SLC35F4: variants seen among roughly 807,000 people sequenced by gnomAD.
The protein encoded by SLC35F4 is chromosome 14 open reading frame 36.
In SLC35F4, 24 loss-of-function variants were observed where a neutral mutation model predicts 44.2. The observed-to-expected ratio is 0.54, with a 90% confidence interval of 0.39 to 0.76. The LOEUF (loss-of-function observed/expected upper bound fraction) is 0.76, where lower values mean the gene tolerates loss of function less well. SLC35F4 is among the 30% of genes least tolerant of loss of function. The probability of loss-of-function intolerance (pLI) is 0.00; values close to 1 mark genes in which losing one functional copy is unlikely to be tolerated. For synonymous variants in SLC35F4, 238 were observed against 223.6 expected, an observed-to-expected ratio of 1.06 and a Z score of -0.57; for missense variants, 562 against 586.1, an observed-to-expected ratio of 0.96 and a Z score of 0.42.
intron 1 of SLC35F4, among the ~76,000 whole-genome samples, chr14:57,969,849 A>C (rs1301689693): frequency 1.3e-5 from 2 of 152,168 alleles, no homozygotes; most frequent in Non-Finnish European, 2.9e-5. Context: ...GTCACTGAGC[A>C]CGGATGTTCA....
intron 1 of SLC35F4, among the ~76,000 whole-genome samples, chr14:57,874,003 T>C (rs1697919477): frequency 6.6e-6 from 1 of 152,210 alleles, no homozygotes; most frequent in African/African-American, 2.4e-5. Flanking sequence ...AATCTCAAAG[T>C]AGCCCTAAAA....
intron 1 of SLC35F4, among the ~76,000 whole-genome samples, chr14:57,883,021 AGGAGGGGAGGGGAGAAGGAGGAGAAGG>A (rs1257511122): frequency 7.0e-6 from 1 of 142,006 alleles, no homozygotes. Context: ...GGAGGAGGAG[AGGAGGGGAGGGGAGAAGGAGGAGAAGG>A]GGAGGGGAGG....
At chr14:57,909,400 A>G (rs923159168) in intron 1 of SLC35F4, among the ~76,000 whole-genome samples, 1 of 152,232 alleles carries the variant, frequency 6.6e-6, no homozygotes, top group Non-Finnish European at 1.5e-5. Context: ...GAAATATGAT[A>G]CTAAACAGTT....
At chr14:57,894,882 T>C (rs1280330178) in intron 1 of SLC35F4, among the ~76,000 whole-genome samples, 1 of 152,134 alleles carries the variant, frequency 6.6e-6, no homozygotes, top group Admixed American at 6.6e-5. Flanking sequence ...TTACACAGCA[T>C]CATCAGCTAA....
intron 1 of SLC35F4, among the ~76,000 whole-genome samples, chr14:57,637,978 C>A (rs1182780759): frequency 6.6e-6 from 1 of 152,092 alleles, no homozygotes; most frequent in African/African-American, 2.4e-5. Context: ...TGATGGAATG[C>A]ACTCTTTGTG....
chr14:57,677,161 G>A (rs2074721698), intron 1 of SLC35F4, among the ~76,000 whole-genome samples: 1 of 152,034 alleles, frequency 6.6e-6, no homozygotes, highest in Admixed American at 6.6e-5. Flanking sequence ...CTCAGGAATG[G>A]AAAACCAAAT....
intron 1 of SLC35F4, among the ~76,000 whole-genome samples, chr14:57,932,422 A>T (rs1234967745): frequency 6.6e-6 from 1 of 152,224 alleles, no homozygotes; most frequent in Non-Finnish European, 1.5e-5. Context: ...ACGTCTTTTC[A>T]TATCCATGCA....
chr14:57,932,590 T>C (rs1029708147), intron 1 of SLC35F4, among the ~76,000 whole-genome samples: 3 of 152,182 alleles, frequency 2.0e-5, no homozygotes, highest in Admixed American at 6.5e-5. Flanking sequence ...GTCTCACACC[T>C]GTAATCCCAA....
intron 1 of SLC35F4, among the ~76,000 whole-genome samples, chr14:57,891,694 G>C (rs573421816): frequency 6.6e-6 from 1 of 152,144 alleles, no homozygotes; most frequent in South Asian, 2.1e-4. Flanking sequence ...TGGCCAATAT[G>C]ATGAAACCCC....
chr14:57,679,109 A>G (rs1054867017), intron 1 of SLC35F4, among the ~76,000 whole-genome samples: 5 of 152,054 alleles, frequency 3.3e-5, no homozygotes, highest in African/African-American at 1.2e-4. Flanking sequence ...TCTAAAATTG[A>G]CCACATAATT....
intron 1 of SLC35F4, among the ~76,000 whole-genome samples, chr14:57,980,009 C>A (rs899300721): frequency 3.3e-5 from 5 of 152,220 alleles, no homozygotes; most frequent in Admixed American, 2.0e-4. Context: ...TCCTTCCTCA[C>A]CCACTCGGTT....
At chr14:57,794,957 T>C (rs2078020376) in intron 1 of SLC35F4, among the ~76,000 whole-genome samples, 1 of 152,146 alleles carries the variant, frequency 6.6e-6, no homozygotes, top group African/African-American at 2.4e-5. Flanking sequence ...AGATGGGTTT[T>C]GAATTCCTGC....
intron 1 of SLC35F4, among the ~76,000 whole-genome samples, chr14:57,969,897 G>A (rs1449185729): frequency 3.9e-5 from 6 of 152,134 alleles, no homozygotes. Flanking sequence ...GCTCCTCAAC[G>A]TCCCAGCAGA....
At chr14:57,904,022 GC>G in intron 1 of SLC35F4, among the ~76,000 whole-genome samples, 1 of 152,320 alleles carries the variant, frequency 6.6e-6, no homozygotes, top group South Asian at 2.1e-4. Context: ...TGCTTTTAGA[GC>G]TTGTTATTAG....
intron 1 of SLC35F4, among the ~76,000 whole-genome samples, chr14:57,628,219 C>T (rs970796654): frequency 9.1e-5 from 13 of 142,220 alleles, no homozygotes; most frequent in Middle Eastern, 3.6e-3. Flanking sequence ...AAAAAGACAT[C>T]GCTGATGCTT....
intron 1 of SLC35F4, among the ~76,000 whole-genome samples, chr14:57,653,718 T>A (rs2073865771): frequency 6.6e-6 from 1 of 152,232 alleles, no homozygotes; most frequent in African/African-American, 2.4e-5. Flanking sequence ...GCTGCCAATG[T>A]GCAGAAGAGA....
chr14:57,567,757 G>T (rs1237837554), intron 6 of SLC35F4, among the ~76,000 whole-genome samples: 1 of 152,182 alleles, frequency 6.6e-6, no homozygotes, highest in Non-Finnish European at 1.5e-5. Flanking sequence ...TACAGCACAG[G>T]CTCTGCTGAG....
At chr14:57,617,596 AATG>A (rs1472209760) in intron 1 of SLC35F4, among the ~76,000 whole-genome samples, 58 of 152,354 alleles carry the variant, frequency 3.8e-4, no homozygotes, top group African/African-American at 1.3e-3. Context: ...AGCTGTGAAT[AATG>A]ATGACCCTCA....
chr14:57,817,213 C>G (rs1210226887), intron 1 of SLC35F4, among the ~76,000 whole-genome samples: 2 of 152,180 alleles, frequency 1.3e-5, no homozygotes, highest in East Asian at 3.9e-4. Context: ...CCTTAGTAAA[C>G]TGCAACCATA....
Sources: allele counts gnomAD v4.1 joint callset (sites outside exome capture counted in the v4.1 genomes callset), GRCh38; gene constraint gnomAD v4.1.1; transcripts MANE v1.5; gene names NCBI Gene and HGNC (gene_info 2026-07-23, HGNC 2026-07-21).